PLPPR1: variants seen among roughly 807,000 people sequenced by gnomAD.
The protein encoded by PLPPR1 is phospholipid phosphatase-related protein type 1.
PLPPR1 carries 10 observed loss-of-function variants against 33.1 expected under a neutral mutation model. The ratio of observed to expected loss-of-function variants is 0.30; its 90% confidence interval spans 0.19 to 0.51. PLPPR1 has a LOEUF of 0.51. Among genes scored for constraint, PLPPR1 ranks in the 20% least tolerant of loss-of-function variants. PLPPR1 has a pLI of 0.97. For synonymous variants in PLPPR1, 151 were observed against 151.0 expected (o/e 1.00, Z 0.00); for missense variants, 304 against 408.1 (o/e 0.74, Z 2.20).
intron 2 of PLPPR1, among the ~76,000 whole-genome samples, chr9:101,216,111 T>C (rs1044998747): frequency 6.6e-6 from 1 of 152,208 alleles, no homozygotes; most frequent in Admixed American, 6.5e-5. Flanking sequence ...CCACCAACAG[T>C]GTATGAAGGT....
chr9:101,318,841 G>T (rs540789173), intron 7 of PLPPR1, among the ~76,000 whole-genome samples: 3 of 152,232 alleles, frequency 2.0e-5, no homozygotes, highest in Admixed American at 2.0e-4. Context: ...CCTGCCCGAG[G>T]TTGTATAGGT....
At chr9:101,112,430 T>C (rs1337522104) in intron 1 of PLPPR1, among the ~76,000 whole-genome samples, 1 of 152,246 alleles carries the variant, frequency 6.6e-6, no homozygotes, top group African/African-American at 2.4e-5. Flanking sequence ...TTTTTGATTT[T>C]AGGAGTTTGG....
At chr9:101,246,083 T>C (rs377744794) in intron 2 of PLPPR1, among the ~76,000 whole-genome samples, 39 of 97,014 alleles carry the variant, frequency 4.0e-4, no homozygotes, top group Admixed American at 6.7e-4. Context: ...TATATATATA[T>C]ATATATATAT....
chr9:101,271,145 T>A (rs1828092547), intron 3 of PLPPR1, among the ~76,000 whole-genome samples: 1 of 152,166 alleles, frequency 6.6e-6, no homozygotes, highest in African/African-American at 2.4e-5. Flanking sequence ...CTGTAAGGAC[T>A]AAGATCAGCA....
At chr9:101,200,062 C>T (rs1410880256) in intron 2 of PLPPR1, among the ~76,000 whole-genome samples, 1 of 152,126 alleles carries the variant, frequency 6.6e-6, no homozygotes, top group Non-Finnish European at 1.5e-5. Flanking sequence ...GATTCTCTGT[C>T]CTCTGCCTGA....
chr9:101,156,725 AT>A (rs1831699310), intron 1 of PLPPR1, among the ~76,000 whole-genome samples: 1 of 152,106 alleles, frequency 6.6e-6, no homozygotes, highest in East Asian at 1.9e-4. Context: ...GAGAAAGGGA[AT>A]ACCTGAGGGA....
chr9:101,199,717 A>G (rs563859603), intron 2 of PLPPR1, among the ~76,000 whole-genome samples: 33 of 152,282 alleles, frequency 2.2e-4, no homozygotes, highest in Admixed American at 7.2e-4. Context: ...TGAGATAGAG[A>G]TCTTTATCTC....
chr9:101,117,681 G>T (rs1261628418), intron 1 of PLPPR1, among the ~76,000 whole-genome samples: 1 of 150,996 alleles, frequency 6.6e-6, no homozygotes, highest in Non-Finnish European at 1.5e-5. Context: ...AAAAGTACAG[G>T]CTCTGAAATC....
intron 1 of PLPPR1, among the ~76,000 whole-genome samples, chr9:101,088,291 G>T (rs893043041): frequency 6.6e-6 from 1 of 152,168 alleles, no homozygotes; most frequent in Middle Eastern, 3.4e-3. Context: ...TCCAATATGT[G>T]CAATGATGGT....
chr9:101,117,318 A>G (rs1313182366), intron 1 of PLPPR1, among the ~76,000 whole-genome samples: 1 of 152,186 alleles, frequency 6.6e-6, no homozygotes, highest in African/African-American at 2.4e-5. Context: ...ACCGAAACCA[A>G]GATGATGACA....
rs59812628 is a variant in PLPPR1 at position 101,309,578 on chromosome 9, T to C, written c.636+117T>C. 5,668 of 1,160,168 alleles carry C rather than the reference T, an allele frequency of 4.9e-3. 27 individuals carry two copies. Among genetic ancestry groups the C allele is most frequent in the African/African-American group, 0.018 (1,147 of 65,232 alleles). 71.9% of individuals were successfully genotyped at this position (1,160,168 alleles called of 1,614,324 possible). On this transcript the variant is annotated intron_variant, in intron 5 of 7. Transcript: ENST00000374874. Reference sequence around the variant, plus strand: ...GCGACTCTTAAATTTATGTATGGCATATTTCTCTACATTATGCTATTGATA... The same window carrying C: ...GCGACTCTTAAATTTATGTATGGCACATTTCTCTACATTATGCTATTGATA...
At chr9:101,149,338 T>TA (rs1163439441) in intron 1 of PLPPR1, among the ~76,000 whole-genome samples, 1 of 152,190 alleles carries the variant, frequency 6.6e-6, no homozygotes, top group African/African-American at 2.4e-5. Context: ...GTTCAGTCTT[T>TA]AAAAATCCCT....
intron 1 of PLPPR1, among the ~76,000 whole-genome samples, chr9:101,175,761 G>A (rs1021739302): frequency 3.9e-5 from 6 of 152,114 alleles, no homozygotes; most frequent in Admixed American, 3.3e-4. Context: ...AAATTCATGA[G>A]AACACAGCAA....
At position 101,079,115 on chromosome 9, in the gene PLPPR1, A is replaced by G. The variant is rs567139572; in HGVS notation, c.-46+50013A>G. ...ACCTCCCTAGAAGCATCTACTTTCC[A>G]TGTTTTAAAGTAAATTTCCTCTCAG... On this transcript the variant is annotated intron_variant, in intron 1 of 7. Transcript: ENST00000374874. Among the ~76,000 whole-genome samples, 6 of 152,290 alleles carry G rather than the reference A, an allele frequency of 3.9e-5. No individual in the cohort carries two copies. The South Asian group carries it at 1.2e-3, about 32-fold the overall frequency.
At chr9:101,264,016 G>T (rs776068276) in intron 2 of PLPPR1, among the ~76,000 whole-genome samples, 15 of 152,060 alleles carry the variant, frequency 9.9e-5, no homozygotes, top group Non-Finnish European at 1.8e-4. Context: ...AGGCTCCCCA[G>T]TGAGGTCTCA....
intron 2 of PLPPR1, among the ~76,000 whole-genome samples, chr9:101,235,548 A>G (rs1827281762): frequency 1.3e-5 from 2 of 151,826 alleles, no homozygotes; most frequent in South Asian, 4.1e-4. Context: ...CATTTTCTAA[A>G]GTTTCATTTA....
At chr9:101,297,762 T>C (rs1828675521) in intron 4 of PLPPR1, among the ~76,000 whole-genome samples, 1 of 152,226 alleles carries the variant, frequency 6.6e-6, no homozygotes, top group Non-Finnish European at 1.5e-5. Context: ...TAGTAACATG[T>C]ATTAAGACTC....
At chr9:101,195,032 G>A (rs1444464453) in intron 2 of PLPPR1, among the ~76,000 whole-genome samples, 1 of 152,170 alleles carries the variant, frequency 6.6e-6, no homozygotes, top group African/African-American at 2.4e-5. Context: ...TTCTGACACT[G>A]CCAGTCCCAT....
intron 1 of PLPPR1, among the ~76,000 whole-genome samples, chr9:101,120,585 A>G (rs1277337934): frequency 6.6e-6 from 1 of 152,204 alleles, no homozygotes; most frequent in Non-Finnish European, 1.5e-5. Flanking sequence ...TGTGTCTATA[A>G]GATAAGTGCC....
Sources: allele counts gnomAD v4.1 joint callset (sites outside exome capture counted in the v4.1 genomes callset), GRCh38; gene constraint gnomAD v4.1.1; transcripts MANE v1.5; gene names NCBI Gene and HGNC (gene_info 2026-07-23, HGNC 2026-07-21).